The following PTER variants were observed in gnomAD, a reference collection of about 807,000 sequenced individuals.
The protein encoded by PTER is N-acetyltaurine hydrolase.
In PTER, 38 loss-of-function variants were observed where a neutral mutation model predicts 29.6. The observed-to-expected ratio is 1.28, with a 90% CI of 0.99 to 1.68. The LOEUF is 1.68. PTER is among the 40% of genes most tolerant of loss of function. PTER has a pLI of 0.00. For synonymous variants in PTER, 172 were observed against 154.5 expected, an observed-to-expected ratio of 1.11 and a Z score of -0.84; for missense variants, 482 against 427.8, an observed-to-expected ratio of 1.13 and a Z score of -1.12.
At chr10:16,517,745 T>C (rs1053942401), downstream of PTER, among the ~76,000 whole-genome samples, 2 of 152,242 alleles carry the variant, frequency 1.3e-5, no homozygotes, top group Admixed American at 6.5e-5. Context: ...ATTATCTTAT[T>C]AGTGAGGATC....
intron 1 of PTER, among the ~76,000 whole-genome samples, chr10:16,464,143 TC>T (rs1834724180): frequency 6.6e-6 from 1 of 152,170 alleles, no homozygotes; most frequent in South Asian, 2.1e-4. Flanking sequence ...TTCCATAATC[TC>T]TTGAAGGTAA....
chr10:16,501,641 C>T (rs926734847), intron 3 of PTER, among the ~76,000 whole-genome samples: 7 of 152,112 alleles, frequency 4.6e-5, no homozygotes, highest in East Asian at 1.9e-4. Context: ...GAGGGTACCA[C>T]GGGGAGGAAA....
chr10:16,491,000 C>G (rs991304563), intron 3 of PTER, among the ~76,000 whole-genome samples: 2 of 151,826 alleles, frequency 1.3e-5, no homozygotes, highest in African/African-American at 4.8e-5. Context: ...TATATACACA[C>G]ACATATGTAT....
intron 1 of PTER, among the ~76,000 whole-genome samples, chr10:16,480,446 T>A (rs1835437169): frequency 6.6e-6 from 1 of 152,078 alleles, no homozygotes; most frequent in African/African-American, 2.4e-5. Context: ...TCTGCCTGCC[T>A]CAACCTCCCA....
At chr10:16,507,210 A>ATATATATATATT in intron 4 of PTER, among the ~76,000 whole-genome samples, 1 of 150,114 alleles carries the variant, frequency 6.7e-6, no homozygotes, top group African/African-American at 2.5e-5. Flanking sequence ...GCATATATAT[A>ATATATATATATT]TATATATATA....
chr10:16,495,174 T>C (rs1368061277), intron 3 of PTER, among the ~76,000 whole-genome samples: 1 of 84,462 alleles, frequency 1.2e-5, no homozygotes, highest in Non-Finnish European at 2.7e-5. Flanking sequence ...ATTACTTTTT[T>C]TTTTTTTTTT....
At chr10:16,490,960 C>T (rs1382589585) in intron 3 of PTER, among the ~76,000 whole-genome samples, 1 of 151,834 alleles carries the variant, frequency 6.6e-6, no homozygotes, top group East Asian at 1.9e-4. Context: ...ATACACTACA[C>T]CTATATATAC....
chr10:16,508,686 GTA>G (rs58712254), intron 4 of PTER, among the ~76,000 whole-genome samples: 1 of 151,666 alleles, frequency 6.6e-6, no homozygotes, highest in Non-Finnish European at 1.5e-5. Flanking sequence ...ATAAATCTGT[GTA>G]TATATATATA....
chr10:16,510,595 C>T (rs12261313), intron 4 of PTER, among the ~76,000 whole-genome samples: 3,011 of 152,198 alleles, frequency 0.02, 101 homozygotes, highest in African/African-American at 0.068. Flanking sequence ...CTATTTTAAT[C>T]GCAAACAGTC....
intron 1 of PTER, among the ~76,000 whole-genome samples, chr10:16,477,695 G>A (rs1273183682): frequency 2.6e-5 from 4 of 152,144 alleles, no homozygotes; most frequent in African/African-American, 4.8e-5. Flanking sequence ...TTAGTGAAGA[G>A]CCATGGATTC....
rs550645052 is a variant in PTER, at chr10:16,493,293, G to A, written c.698+6676G>A. ...AGCAAATGTTTGACAAACTGAAACTGAGCAAAACATCGTGATATCGTTAAG... is the reference window on the plus strand; with the variant it reads ...AGCAAATGTTTGACAAACTGAAACTAAGCAAAACATCGTGATATCGTTAAG... On this transcript the variant is annotated intron_variant, in intron 3 of 4. Coordinates refer to ENST00000535784, the MANE Select transcript of PTER (RefSeq NM_001261836.2). Among the ~76,000 whole-genome samples, 10 of 152,302 alleles carry A rather than the reference G, an allele frequency of 6.6e-5. No homozygotes were observed. In the South Asian group the frequency reaches 8.3e-4, roughly 13 times the overall value.
chr10:16,457,461 T>C (rs1419053022), intron 1 of PTER, among the ~76,000 whole-genome samples: 4 of 152,094 alleles, frequency 2.6e-5, no homozygotes, highest in Non-Finnish European at 5.9e-5. Context: ...GATCCGCCCG[T>C]CTCGGCCTCC....
chr10:16,511,537 AGTT>A lies in PTER; in HGVS notation c.*288_*290del, dbSNP rs981965789. 2.9e-6 allele frequency: 1 copy of A among 341,980 alleles called. No individual in the cohort carries two copies. Among genetic ancestry groups the A allele is most frequent in the Admixed American group, 4.2e-5 (1 of 23,866 alleles). 21.2% of individuals were successfully genotyped at this position (341,980 alleles called of 1,614,324 possible). A position where few individuals can be genotyped will look rare whatever the true frequency, so the allele number is the denominator to read the frequency against. On this transcript the variant is annotated 3_prime_UTR_variant, in exon 5 of 5. Coordinates refer to ENST00000535784, the MANE Select transcript of PTER (RefSeq NM_001261836.2). The stretch of plus-strand genomic sequence containing the variant: ...TTTAAAGTCTATATCCCCTAAGCGG[AGTT>A]GTTGTTTTTCTCCCTAATCTATCAG...
chr10:16,518,316 T>C (rs1437191730), downstream of PTER, among the ~76,000 whole-genome samples: 1 of 151,486 alleles, frequency 6.6e-6, no homozygotes, highest in African/African-American at 2.4e-5. Flanking sequence ...CACACTGAAC[T>C]AAAAAAAAAT....
chr10:16,517,409 G>T (rs987915982), downstream of PTER, among the ~76,000 whole-genome samples: 5 of 152,106 alleles, frequency 3.3e-5, no homozygotes, highest in Admixed American at 2.6e-4. Context: ...GTACCAACTG[G>T]TCTTTAATTA....
chr10:16,515,464 A>C (rs549027436), downstream of PTER, among the ~76,000 whole-genome samples: 4 of 152,294 alleles, frequency 2.6e-5, no homozygotes, highest in Admixed American at 2.6e-4. Context: ...CTAAATTTTC[A>C]TGCTCTGAGG....
At chr10:16,457,251 T>C (rs775832244) in intron 1 of PTER, among the ~76,000 whole-genome samples, 48 of 151,998 alleles carry the variant, frequency 3.2e-4, no homozygotes, top group South Asian at 1.5e-3. Context: ...CTCACTCTGT[T>C]GCCCAGGCTG....
intron 3 of PTER, 101 bp downstream of exon 3, chr10:16,486,718 A>G (rs1588617803): frequency 7.7e-7 from 1 of 1,293,556 alleles, no homozygotes; most frequent in East Asian, 2.4e-5. Flanking sequence ...CTAATCACGC[A>G]GAGAAAACCA....
At chr10:16,492,654 C>T (rs551364221) in intron 3 of PTER, among the ~76,000 whole-genome samples, 10 of 152,328 alleles carry the variant, frequency 6.6e-5, no homozygotes, top group African/African-American at 2.4e-4. Flanking sequence ...TTTGAGCCCC[C>T]TGGAGGGGAA....
Sources: allele counts gnomAD v4.1 joint callset (sites outside exome capture counted in the v4.1 genomes callset), GRCh38; gene constraint gnomAD v4.1.1; transcripts MANE v1.5; gene names NCBI Gene and HGNC (gene_info 2026-07-23, HGNC 2026-07-21).